MSH4: variants seen among roughly 807,000 people sequenced by gnomAD.
The protein encoded by MSH4 is mutS protein homolog 4.
A neutral mutation model predicts 113.7 loss-of-function variants in MSH4; 106 were observed. That is an observed-to-expected ratio of 0.93 (90% CI 0.80 to 1.10). The LOEUF (loss-of-function observed/expected upper bound fraction) is 1.10, where lower values mean the gene tolerates loss of function less well. Among genes scored for constraint, MSH4 ranks in the 50% least tolerant of loss-of-function variants. The pLI is 0.00. For synonymous variants in MSH4, 368 were observed against 380.2 expected (o/e 0.97, Z 0.37); for missense variants, 1,061 against 1,093.7 (o/e 0.97, Z 0.42).
In MSH4 at chr1:75,832,108, C is replaced by T. The variant is rs1346859250; in HGVS notation, c.1162+9527C>T. ...ATAAAAAATGATAAAGTGGATATTA[C>T]CACCAATTCCACAGGAATGCAAACT... is the stretch of plus-strand genomic sequence containing the variant. On this transcript the variant is annotated intron_variant, in intron 7 of 19. Transcript: ENST00000263187. Among the ~76,000 whole-genome samples, 5 of 152,162 alleles carry T rather than the reference C, an allele frequency of 3.3e-5. No individual in the cohort carries two copies. The South Asian group carries it at 8.3e-4, about 25-fold the overall frequency.
rs913558618 is a variant in MSH4 at position 75,819,402 on chromosome 1, A to C, written c.989+2856A>C. Among the ~76,000 whole-genome samples, 8 of 152,284 alleles carry C rather than the reference A, an allele frequency of 5.3e-5. No individual in the cohort carries two copies. The East Asian group carries it at 1.5e-3, about 30-fold the overall frequency. On this transcript the variant is annotated intron_variant, in intron 6 of 19. Transcript: ENST00000263187. ...CTACTCAGGAGGCTGAGGCATGAGA[A>C]TCACTTGAACCCTGGAGGCAGAGGT...
chr1:75,873,843 A>G (rs1651762577), intron 9 of MSH4, among the ~76,000 whole-genome samples: 1 of 151,984 alleles, frequency 6.6e-6, no homozygotes, highest in South Asian at 2.1e-4. Context: ...GGTTGATTCC[A>G]TGTCTTTGCT....
chr1:75,811,234 T>A (rs1210336536), intron 4 of MSH4, among the ~76,000 whole-genome samples: 1 of 152,208 alleles, frequency 6.6e-6, no homozygotes, highest in African/African-American at 2.4e-5. Flanking sequence ...ATAATTTTAG[T>A]AACTTTATAT....
chr1:75,803,485 C>T (rs1224458048), intron 1 of MSH4, among the ~76,000 whole-genome samples: 2 of 151,894 alleles, frequency 1.3e-5, no homozygotes, highest in Admixed American at 6.6e-5. Flanking sequence ...GGCGTGGTGG[C>T]GGGTGCCTGT....
intron 17 of MSH4, among the ~76,000 whole-genome samples, chr1:75,893,113 G>A (rs1182551682): frequency 1.3e-5 from 2 of 152,082 alleles, no homozygotes; most frequent in Non-Finnish European, 2.9e-5. Flanking sequence ...GACTTAATTA[G>A]CCTTGCTGCT....
intron 3 of MSH4, among the ~76,000 whole-genome samples, chr1:75,807,590 G>T (rs1650096411): frequency 6.6e-6 from 1 of 152,154 alleles, no homozygotes; most frequent in Non-Finnish European, 1.5e-5. Flanking sequence ...TTGTACACAA[G>T]ATAGTTGCAT....
At chr1:75,848,495 C>G (rs1651121616) in intron 8 of MSH4, among the ~76,000 whole-genome samples, 1 of 152,176 alleles carries the variant, frequency 6.6e-6, no homozygotes, top group South Asian at 2.1e-4. Flanking sequence ...CATGGTGGCT[C>G]ATGCCTATAA....
intron 19 of MSH4, among the ~76,000 whole-genome samples, chr1:75,901,268 C>T (rs1652499629): frequency 2.0e-5 from 3 of 152,138 alleles, no homozygotes; most frequent in Non-Finnish European, 1.5e-5. Context: ...TTCAATCTAA[C>T]TGTATTTTTG....
Position 75,898,020 on chromosome 1 carries a change from TAAAG to T in MSH4, c.2472_2475del (p.Glu825GlnfsTer20). 1 of 1,606,606 alleles carries T rather than the reference TAAAG, an allele frequency of 6.2e-7. No homozygotes were observed. ...AACATGTAAAGAATACCTCAAGAAA[TAAAG>T]AAGCAATTTTGTATACCTACAAACT... On this transcript the variant is annotated frameshift_variant, in exon 18 of 20. Transcript: ENST00000263187. LOFTEE classifies it high-confidence loss of function.
At chr1:75,844,492 G>C (rs1314270218) in intron 7 of MSH4, among the ~76,000 whole-genome samples, 1 of 151,962 alleles carries the variant, frequency 6.6e-6, no homozygotes, top group East Asian at 1.9e-4. Context: ...CCACATGGCT[G>C]ATTGTTGTAT....
At chr1:75,906,181 G>C (rs957808409) in intron 19 of MSH4, among the ~76,000 whole-genome samples, 1 of 151,286 alleles carries the variant, frequency 6.6e-6, no homozygotes, top group Non-Finnish European at 1.5e-5. Flanking sequence ...AATAGAGACA[G>C]GGTTTCACCA....
intron 9 of MSH4, among the ~76,000 whole-genome samples, chr1:75,868,415 T>C (rs1185999071): frequency 2.6e-5 from 4 of 152,236 alleles, no homozygotes; most frequent in Non-Finnish European, 5.9e-5. Context: ...GAAGTAATTA[T>C]TACTCTGATG....
chr1:75,843,084 C>T (rs1214414185), intron 7 of MSH4, among the ~76,000 whole-genome samples: 1 of 151,772 alleles, frequency 6.6e-6, no homozygotes, highest in Non-Finnish European at 1.5e-5. Context: ...TCTTTGTCTC[C>T]TCTCTCTCTC....
At chr1:75,805,383 G>T (rs200786374) in intron 2 of MSH4, among the ~76,000 whole-genome samples, 15 of 124,284 alleles carry the variant, frequency 1.2e-4, no homozygotes, top group East Asian at 2.3e-4. Flanking sequence ...ACCATTTTTT[G>T]TTTTTTTTTT....
At chr1:75,846,965 G>A (rs185319457) in intron 7 of MSH4, among the ~76,000 whole-genome samples, 8 of 152,314 alleles carry the variant, frequency 5.3e-5, no homozygotes, top group African/African-American at 1.2e-4. Flanking sequence ...AAAGGACAGA[G>A]ATTTATTTCT....
intron 19 of MSH4, among the ~76,000 whole-genome samples, chr1:75,912,339 G>A (rs1652804519): frequency 6.6e-6 from 1 of 151,920 alleles, no homozygotes; most frequent in Non-Finnish European, 1.5e-5. Context: ...CTTTTTAATG[G>A]GAAAGTGTTT....
intron 8 of MSH4, among the ~76,000 whole-genome samples, chr1:75,863,110 T>C (rs1651493258): frequency 6.6e-6 from 1 of 152,182 alleles, no homozygotes; most frequent in South Asian, 2.1e-4. Flanking sequence ...TGAATAACTT[T>C]TTTTCAAATG....
chr1:75,841,133 C>A (rs1167838923), intron 7 of MSH4, among the ~76,000 whole-genome samples: 2 of 151,572 alleles, frequency 1.3e-5, no homozygotes, highest in Admixed American at 1.3e-4. Context: ...ACGCCATTGG[C>A]TATGATCTTG....
intron 17 of MSH4, 81 bp from the exon 18 acceptor site, chr1:75,897,826 A>G: frequency 1.0e-6 from 1 of 952,580 alleles, no homozygotes; most frequent in Non-Finnish European, 1.4e-6. Context: ...TTAAACTAAA[A>G]TTTTATGTTC....
Sources: allele counts gnomAD v4.1 joint callset (sites outside exome capture counted in the v4.1 genomes callset), GRCh38; gene constraint gnomAD v4.1.1; transcripts MANE v1.5; gene names NCBI Gene and HGNC (gene_info 2026-07-23, HGNC 2026-07-21).